Variants in AMD1 observed in about 807,000 individuals in gnomAD.
The protein encoded by AMD1 is S-adenosylmethionine decarboxylase proenzyme.
AMD1 carries 11 observed loss-of-function variants against 40.2 expected under a neutral mutation model. The observed-to-expected ratio is 0.27, with a 90% CI of 0.17 to 0.45. The LOEUF (loss-of-function observed/expected upper bound fraction) is 0.45. Ranked by LOEUF, AMD1 falls within the 20% of genes least tolerant of loss-of-function variation. The pLI is 1.00. For missense variants in AMD1, 257 were observed against 410.2 expected (o/e 0.63, Z 3.23); for synonymous variants, 121 against 130.8 (o/e 0.93, Z 0.51).
chr6:110,871,746 T>C (rs965931400), upstream of AMD1, among the ~76,000 whole-genome samples: 1 of 152,240 alleles, frequency 6.6e-6, no homozygotes, highest in Non-Finnish European at 1.5e-5. Context: ...AGCTTCTATA[T>C]GCTTGTTAGG....
At chr6:110,859,158 A>G in the AMD1 span, 2 of 1,226,708 alleles carry the variant, frequency 1.6e-6, no homozygotes, top group Admixed American at 2.3e-5. Flanking sequence ...GGCTCCCAGC[A>G]CGCTCTCTCC....
chr6:110,819,167 A>G, the AMD1 span, among the ~76,000 whole-genome samples: 5 of 152,112 alleles, frequency 3.3e-5, no homozygotes, highest in East Asian at 1.9e-4. Flanking sequence ...AGACCAGCCT[A>G]ATCAACACGG....
At chr6:110,874,765 G>A (rs1193747344), upstream of AMD1, 3 of 184,418 alleles carry the variant, frequency 1.6e-5, no homozygotes, top group South Asian at 3.6e-4. Flanking sequence ...ATATAAGGGC[G>A]GTGCTCACGC....
chr6:110,820,662 G>A, the AMD1 span, among the ~76,000 whole-genome samples: 3 of 152,100 alleles, frequency 2.0e-5, no homozygotes, highest in Non-Finnish European at 4.4e-5. Flanking sequence ...AGCACTTTGG[G>A]AGGCCAAGGT....
chr6:110,843,140 A>C, the AMD1 span, among the ~76,000 whole-genome samples: 1 of 151,324 alleles, frequency 6.6e-6, no homozygotes, highest in Admixed American at 6.6e-5. Context: ...CTCAAAAAAA[A>C]GTCTAAAAAA....
chr6:110,874,998 T>G lies in AMD1; in HGVS notation c.-108T>G. The G allele has an allele frequency of 1.3e-6, 1 of 755,782 alleles. No homozygotes were observed. The highest frequency in any genetic ancestry group is 2.1e-6 in the Non-Finnish European group (1 of 470,410). 46.8% of individuals were successfully genotyped at this position (755,782 alleles called of 1,614,324 possible). ...AGCAAAAAAAAAAAGGAACCTGAACTTTAGTAACACAGCTGGAACAATCCG... is the reference window on the plus strand; with the variant it reads ...AGCAAAAAAAAAAAGGAACCTGAACGTTAGTAACACAGCTGGAACAATCCG... On this transcript the variant is annotated 5_prime_UTR_variant, in exon 1 of 9. Transcript: ENST00000368885.
chr6:110,855,053 T>C, the AMD1 span, among the ~76,000 whole-genome samples: 11 of 148,676 alleles, frequency 7.4e-5, no homozygotes, highest in Non-Finnish European at 1.6e-4. Context: ...TGGCTTAAAG[T>C]TCTCTCTCTC....
intron 1 of AMD1, among the ~76,000 whole-genome samples, chr6:110,885,230 G>A (rs1450932928): frequency 6.6e-6 from 1 of 151,834 alleles, no homozygotes. Flanking sequence ...TCCTGCCTCA[G>A]CCTCCAGAGT....
At chr6:110,869,677 CTT>C in the AMD1 span, among the ~76,000 whole-genome samples, 60 of 151,128 alleles carry the variant, frequency 4.0e-4, no homozygotes, top group African/African-American at 1.4e-3. Context: ...GCTCGGCTGA[CTT>C]TGTATTTTTA....
At chr6:110,872,479 C>CT (rs2115261855), upstream of AMD1, among the ~76,000 whole-genome samples, 1 of 152,134 alleles carries the variant, frequency 6.6e-6, no homozygotes, top group South Asian at 2.1e-4. Context: ...AACTGGAAAT[C>CT]TGGGGGAAAG....
the AMD1 span, among the ~76,000 whole-genome samples, chr6:110,817,292 C>T: frequency 1.3e-5 from 2 of 152,326 alleles, no homozygotes; most frequent in Non-Finnish European, 2.9e-5. Flanking sequence ...ACATCACCCA[C>T]TCCTGGAAAA....
At chr6:110,841,532 C>G in the AMD1 span, among the ~76,000 whole-genome samples, 1 of 151,962 alleles carries the variant, frequency 6.6e-6, no homozygotes, top group East Asian at 1.9e-4. Context: ...TTCCTCTTTT[C>G]CTTTGTTCTC....
the AMD1 span, among the ~76,000 whole-genome samples, chr6:110,823,246 A>G: frequency 2.6e-5 from 4 of 152,234 alleles, no homozygotes; most frequent in Non-Finnish European, 5.9e-5. Context: ...AAAGCCATAT[A>G]TGATAAACCC....
upstream of AMD1, among the ~76,000 whole-genome samples, chr6:110,874,279 T>C (rs1784978995): frequency 1.3e-5 from 2 of 152,208 alleles, no homozygotes; most frequent in South Asian, 4.1e-4. Context: ...GACAAATGTT[T>C]AGTTTTAACG....
chr6:110,831,853 AT>A, the AMD1 span, among the ~76,000 whole-genome samples: 22 of 150,950 alleles, frequency 1.5e-4, no homozygotes, highest in African/African-American at 5.1e-4. Context: ...TAATTTATTT[AT>A]TTTTTTTTAG....
the AMD1 span, among the ~76,000 whole-genome samples, chr6:110,853,882 A>C: frequency 6.6e-6 from 1 of 152,254 alleles, no homozygotes; most frequent in East Asian, 1.9e-4. Flanking sequence ...ATGGCTGTGA[A>C]GTAGCACAAG....
At chr6:110,822,623 A>T in the AMD1 span, among the ~76,000 whole-genome samples, 23 of 142,064 alleles carry the variant, frequency 1.6e-4, no homozygotes, top group Non-Finnish European at 3.1e-4. Context: ...TATCCTATTT[A>T]AAAAAACAAT....
At chr6:110,845,009 G>C in the AMD1 span, among the ~76,000 whole-genome samples, 1 of 151,070 alleles carries the variant, frequency 6.6e-6, no homozygotes, top group Middle Eastern at 3.4e-3. Flanking sequence ...GCGCAAGCAC[G>C]AGACAGTGAG....
rs1243508101 is a variant in AMD1 at position 110,889,083 on chromosome 6, T to TA, written c.324+101dup. The stretch of plus-strand genomic sequence containing the variant: ...AAATTTATATACTTACTGCCTTTGT[T>TA]ACAATGCATGCAAACACGTGGTAAG... On this transcript the variant is annotated intron_variant, in intron 3 of 8. Coordinates refer to ENST00000368885, the MANE Select transcript of AMD1 (RefSeq NM_001634.6). 11 of 1,421,174 alleles carry TA rather than the reference T, an allele frequency of 7.7e-6. No individual in the cohort carries two copies. In the African/African-American group the frequency reaches 1.6e-4, roughly 20 times the overall value. The allele number at this position is 1,421,174 out of a possible 1,614,324, so 88.0% of individuals were successfully genotyped here. A position where few individuals can be genotyped will look rare whatever the true frequency, so the allele number is the denominator to read the frequency against.
Sources: allele counts gnomAD v4.1 joint callset (sites outside exome capture counted in the v4.1 genomes callset), GRCh38; gene constraint gnomAD v4.1.1; transcripts MANE v1.5; gene names NCBI Gene and HGNC (gene_info 2026-07-23, HGNC 2026-07-21).